The following PGF variants were observed in gnomAD, a reference collection of about 807,000 sequenced individuals.
PGF encodes the protein placental growth factor, also known as placenta growth factor.
Under a neutral mutation model 25.3 loss-of-function variants are expected in PGF, and 11 were observed. The observed-to-expected ratio is 0.43, with a 90% CI of 0.27 to 0.72. PGF has a LOEUF of 0.72. Ranked by LOEUF, PGF falls within the 30% of genes least tolerant of loss-of-function variation. The pLI, the probability that PGF is intolerant of heterozygous loss-of-function variation, is 0.18. For missense variants in PGF, 230 were observed against 234.9 expected (o/e 0.98, Z 0.14); for synonymous variants, 105 against 97.9 (o/e 1.07, Z -0.43).
chr14:74,946,151 G>A (rs1019434403), intron 6 of PGF, 62 bp downstream of exon 6: 40 of 1,515,710 alleles, frequency 2.6e-5, no homozygotes, highest in Non-Finnish European at 3.0e-5. Flanking sequence ...TAACCCTGGC[G>A]GCAAGGCGGG....
intron 4 of PGF, 22 bp downstream of exon 4, chr14:74,948,485 C>G (rs1290136438): frequency 2.7e-5 from 41 of 1,518,498 alleles, no homozygotes; most frequent in Non-Finnish European, 3.4e-5. Context: ...TCCTTGCTAC[C>G]CACCCGACCC....
chr14:74,944,209 T>A (rs1888668105), intron 6 of PGF, among the ~76,000 whole-genome samples: 1 of 151,502 alleles, frequency 6.6e-6, no homozygotes, highest in Non-Finnish European at 1.5e-5. Flanking sequence ...TTCATGCCAT[T>A]CTCCTGCCTC....
At chr14:74,954,459 C>T (rs895683219) in intron 1 of PGF, among the ~76,000 whole-genome samples, 1 of 152,112 alleles carries the variant, frequency 6.6e-6, no homozygotes, top group Admixed American at 6.5e-5. Flanking sequence ...GACTGCCCAG[C>T]CCACTCCTAC....
At chr14:74,946,598 A>T in intron 4 of PGF, 190 bp from the exon 5 acceptor site, 1 of 635,130 alleles carries the variant, frequency 1.6e-6, no homozygotes, top group Non-Finnish European at 2.8e-6. Context: ...CTCCCACTCC[A>T]GGCTCTGGTG....
In PGF at chr14:74,943,326, G is replaced by A. The variant is rs369357676; in HGVS notation, c.486-593C>T. 6.6e-5 allele frequency among the ~76,000 whole-genome samples: 10 copies of A among 152,296 alleles called. No individual in the cohort carries two copies. The East Asian group carries it at 9.6e-4, about 15-fold the overall frequency. On this transcript the variant is annotated intron_variant, in intron 6 of 6. Transcript: ENST00000555567. ...ATCCTCATAAAGTGCTTTGCTGCCA[G>A]GTAAAAGTATTCTGAGGACATGAAA...
At position 74,944,203 on chromosome 14, in the gene PGF, T is replaced by C. The variant is rs375817742; in HGVS notation, c.486-1470A>G. Among the ~76,000 whole-genome samples the C allele has an allele frequency of 1.6e-3, 240 of 150,770 alleles. 1 individual carries two copies. Among genetic ancestry groups the C allele is most frequent in the East Asian group, 4.1e-3 (21 of 5,084 alleles). ...CTGCAAGTTCCGCCTCCCGGGTTCA[T>C]GCCATTCTCCTGCCTCAGCCTCCCG... On this transcript the variant is annotated intron_variant, in intron 6 of 6. Coordinates refer to ENST00000555567, the MANE Select transcript of PGF (RefSeq NM_002632.6).
intron 4 of PGF, 62 bp downstream of exon 4, chr14:74,948,445 T>C: frequency 9.5e-7 from 1 of 1,050,078 alleles, no homozygotes; most frequent in Non-Finnish European, 1.4e-6. Context: ...GACCCATCTT[T>C]GCTGAGGCTG....
rs779249893 is a variant in PGF at position 74,942,717 on chromosome 14, G to T, written c.502C>A (p.Pro168Thr). 1.9e-6 allele frequency: 3 copies of T among 1,611,634 alleles called. No individual in the cohort carries two copies. Among genetic ancestry groups the T allele is most frequent in the Non-Finnish European group, 1.7e-6 (2 of 1,179,120 alleles). The change falls in exon 7 of 7, where the codon CCC becomes ACC. Residue 168 changes from proline (P) to threonine (T), a missense_variant. By Grantham distance (38) the Pro-to-Thr change is conservative (BLOSUM62 -1). Transcript: ENST00000555567. Reference sequence around the variant, plus strand: ...CTCCAAGGGGTGGGTTACCTCCGGGGAACAGCATCGCCGCACCTGCCAGAG... The same window carrying T: ...CTCCAAGGGGTGGGTTACCTCCGGGTAACAGCATCGCCGCACCTGCCAGAG... ...TDCHLCGDAV[P>T]RR
At position 74,946,287 on chromosome 14, in the gene PGF, C is replaced by A; in HGVS notation, c.423-12G>T. ...CCTTGGGTCTCCTCCTGCAATAAGC[C>A]AAGCGTCAGGACAAGGTGGCTGGGG... On this transcript the variant is annotated splice_polypyrimidine_tract_variant and intron_variant, in intron 5 of 6. Coordinates refer to ENST00000555567, the MANE Select transcript of PGF (RefSeq NM_002632.6). The A allele has an allele frequency of 6.2e-7, 1 of 1,614,210 alleles. No homozygotes were observed. Among genetic ancestry groups the A allele is most frequent in the Non-Finnish European group, 8.5e-7 (1 of 1,180,020 alleles).
At chr14:74,946,850 C>CG (rs755810783) in intron 4 of PGF, 1 of 759,910 alleles carries the variant, frequency 1.3e-6, no homozygotes, top group Non-Finnish European at 2.4e-6. Context: ...CCACTCCATC[C>CG]GGAACAACAT....
chr14:74,948,452 G>A lies in PGF; in HGVS notation c.392+55C>T, dbSNP rs150434348. 1,441 of 1,109,694 alleles carry A rather than the reference G, an allele frequency of 1.3e-3. 6 individuals are homozygous for A. The highest frequency in any genetic ancestry group is 3.4e-3 in the Middle Eastern group (16 of 4,656). 68.7% of individuals were successfully genotyped at this position (1,109,694 alleles called of 1,614,324 possible). A position where few individuals can be genotyped will look rare whatever the true frequency, so the allele number is the denominator to read the frequency against. On this transcript the variant is annotated intron_variant, in intron 4 of 6. Coordinates refer to ENST00000555567, the MANE Select transcript of PGF (RefSeq NM_002632.6). ...TGCCCTGGGACCCATCTTTGCTGAG[G>A]CTGCCAAGAGGACGGGGGCCTTTCC...
At chr14:74,952,950 T>A (rs1430878636) in intron 2 of PGF, among the ~76,000 whole-genome samples, 1 of 152,202 alleles carries the variant, frequency 6.6e-6, no homozygotes, top group East Asian at 1.9e-4. Context: ...AAGGGCATAG[T>A]GTGGAGGTAG....
At chr14:74,949,287 A>G in intron 3 of PGF, 70 bp downstream of exon 3, 4 of 1,277,240 alleles carry the variant, frequency 3.1e-6, no homozygotes, top group South Asian at 3.4e-5. Context: ...ACCTGGGCCT[A>G]TCTTCTTCCC....
intron 4 of PGF, chr14:74,946,622 A>G (rs1380493774): frequency 4.7e-6 from 3 of 633,774 alleles, no homozygotes; most frequent in Non-Finnish European, 8.6e-6. Flanking sequence ...CCACCACGAG[A>G]GGGACAAATC....
chr14:74,946,986 G>T, intron 4 of PGF: 1 of 655,796 alleles, frequency 1.5e-6, no homozygotes, highest in South Asian at 1.7e-5. Context: ...TGTCCCTGTT[G>T]CCTGGCCCCT....
intron 4 of PGF, chr14:74,947,101 T>C: frequency 2.1e-6 from 1 of 487,604 alleles, no homozygotes. Flanking sequence ...CTCAGCTGGT[T>C]CCTCCCTTGG....
In PGF at chr14:74,943,986, C is replaced by T. The variant is rs549370738; in HGVS notation, c.486-1253G>A. On this transcript the variant is annotated intron_variant, in intron 6 of 6. Transcript: ENST00000555567. The stretch of plus-strand genomic sequence containing the variant: ...AAATTAAAAGTACTGTTACACTAGG[C>T]TGAAATTCTTGGGGGTGGGGAGTGA... Among the ~76,000 whole-genome samples the T allele has an allele frequency of 5.3e-5, 8 of 149,696 alleles. No homozygotes were observed. The East Asian group carries it at 9.7e-4, about 18-fold the overall frequency.
chr14:74,950,471 C>A lies in PGF; in HGVS notation c.119-918G>T, dbSNP rs1888848045. On this transcript the variant is annotated intron_variant, in intron 2 of 6. Transcript: ENST00000555567. This position sits in a 1 kb window ranked among gnomAD's most constrained non-coding sequence, Gnocchi z 4.1. ...TTTCACTGAGGATCATCCGGGTCAT[C>A]CCTGACCTCACGATGTCCTGGCGAT... 6.6e-6 allele frequency among the ~76,000 whole-genome samples: 1 copy of A among 152,210 alleles called. No homozygotes were observed. Among genetic ancestry groups the A allele is most frequent in the African/African-American group, 2.4e-5 (1 of 41,452 alleles).
intron 6 of PGF, chr14:74,945,046 C>G (rs1888698393): frequency 6.6e-6 from 1 of 151,904 alleles, no homozygotes; most frequent in Non-Finnish European, 1.5e-5. Flanking sequence ...CTCAGCCTCC[C>G]AAGTAGCTGA....
Sources: allele counts gnomAD v4.1 joint callset (sites outside exome capture counted in the v4.1 genomes callset), GRCh38; gene constraint gnomAD v4.1.1; non-coding constraint Gnocchi (gnomAD v3.1); transcripts MANE v1.5; gene names NCBI Gene and HGNC (gene_info 2026-07-23, HGNC 2026-07-21).